Variants in TRPC7 observed in about 807,000 individuals in gnomAD.
TRPC7 encodes the protein transient receptor potential cation channel subfamily C member 7, also known as short transient receptor potential channel 7.
TRPC7 carries 42 observed loss-of-function variants against 90.1 expected under a neutral mutation model. The observed-to-expected ratio is 0.47, with a 90% confidence interval of 0.36 to 0.60. The LOEUF (loss-of-function observed/expected upper bound fraction) is 0.60, where lower values mean the gene tolerates loss of function less well. Ranked by LOEUF, TRPC7 falls within the 20% of genes least tolerant of loss-of-function variation. TRPC7 has a pLI of 0.00. For missense variants in TRPC7, 955 were observed against 1,112.3 expected, an observed-to-expected ratio of 0.86 and a Z score of 2.01; for synonymous variants, 451 against 436.3, an observed-to-expected ratio of 1.03 and a Z score of -0.42.
chr5:136,300,916 T>G (rs972148729), intron 3 of TRPC7, among the ~76,000 whole-genome samples: 9 of 152,216 alleles, frequency 5.9e-5, no homozygotes, highest in Non-Finnish European at 1.3e-4. Context: ...GAGTCCACCA[T>G]CCAAGAGCTT....
chr5:136,271,256 C>T (rs1757202955), intron 4 of TRPC7, among the ~76,000 whole-genome samples: 2 of 152,190 alleles, frequency 1.3e-5, no homozygotes, highest in South Asian at 4.1e-4. Context: ...ACAGTTCCTC[C>T]TGCCTGAGTC....
intron 3 of TRPC7, among the ~76,000 whole-genome samples, chr5:136,280,371 G>T (rs1444260095): frequency 6.6e-6 from 1 of 152,180 alleles, no homozygotes; most frequent in Non-Finnish European, 1.5e-5. Flanking sequence ...CTTCTTGAAG[G>T]AACCAACTGT....
intron 7 of TRPC7, among the ~76,000 whole-genome samples, chr5:136,233,108 G>T (rs1395875432): frequency 6.6e-6 from 1 of 152,142 alleles, no homozygotes; most frequent in Non-Finnish European, 1.5e-5. Flanking sequence ...GCATGTGTGT[G>T]TGTCTACCCA....
chr5:136,321,452 T>A (rs1478503157), intron 2 of TRPC7, among the ~76,000 whole-genome samples: 1 of 152,208 alleles, frequency 6.6e-6, no homozygotes, highest in South Asian at 2.1e-4. Context: ...GCCATTTAAC[T>A]CTTACGCATC....
intron 2 of TRPC7, among the ~76,000 whole-genome samples, chr5:136,337,012 G>T (rs1759686739): frequency 6.6e-6 from 1 of 152,154 alleles, no homozygotes; most frequent in African/African-American, 2.4e-5. Flanking sequence ...CCACCTTTCT[G>T]ATTCTGGAGG....
intron 5 of TRPC7, among the ~76,000 whole-genome samples, chr5:136,264,512 C>A (rs115348000): frequency 6.6e-6 from 1 of 151,974 alleles, no homozygotes; most frequent in Non-Finnish European, 1.5e-5. Context: ...AACTCTGTAA[C>A]AAACTTTAAT....
intron 3 of TRPC7, among the ~76,000 whole-genome samples, chr5:136,292,232 A>G (rs1757983775): frequency 6.6e-6 from 1 of 152,202 alleles, no homozygotes; most frequent in Non-Finnish European, 1.5e-5. Context: ...AATTAAAAGA[A>G]CTAGAGAAGC....
At position 136,295,987 on chromosome 5, in the gene TRPC7, T is replaced by G. The variant is rs1758156523; in HGVS notation, c.963+19610A>C. Among the ~76,000 whole-genome samples the G allele has an allele frequency of 2.0e-5, 3 of 152,196 alleles. No homozygotes were observed. The South Asian group carries it at 6.2e-4, about 31-fold the overall frequency. On this transcript the variant is annotated intron_variant, in intron 3 of 11. Coordinates refer to ENST00000513104, the MANE Select transcript of TRPC7 (RefSeq NM_020389.3). ...ACTGTATTACTGAAGTGAAGCTACTTACAGTCCTAACATATCATTAACTTG... is the reference window on the plus strand; with the variant it reads ...ACTGTATTACTGAAGTGAAGCTACTGACAGTCCTAACATATCATTAACTTG...
intron 3 of TRPC7, among the ~76,000 whole-genome samples, chr5:136,278,998 G>T (rs569414714): frequency 6.6e-6 from 1 of 152,030 alleles, no homozygotes; most frequent in African/African-American, 2.4e-5. Context: ...AAGCAGTTGC[G>T]AACTGAGCCT....
At chr5:136,355,169 GC>G (rs573098341) in intron 2 of TRPC7, among the ~76,000 whole-genome samples, 87 of 152,270 alleles carry the variant, frequency 5.7e-4, no homozygotes, top group African/African-American at 2.0e-3. Context: ...GAAATAATGA[GC>G]CCAGTTGTGG....
At chr5:136,287,203 C>T (rs929022653) in intron 3 of TRPC7, among the ~76,000 whole-genome samples, 1 of 152,100 alleles carries the variant, frequency 6.6e-6, no homozygotes. Context: ...GAATGAGTGA[C>T]GTTTTCCCTT....
chr5:136,270,456 T>A (rs1561695383), intron 4 of TRPC7, among the ~76,000 whole-genome samples: 1 of 152,126 alleles, frequency 6.6e-6, no homozygotes, highest in African/African-American at 2.4e-5. Flanking sequence ...CTCAGGGCAT[T>A]CTCCTAAGTG....
chr5:136,336,177 G>A (rs566759825), intron 2 of TRPC7, among the ~76,000 whole-genome samples: 3 of 152,054 alleles, frequency 2.0e-5, no homozygotes, highest in Non-Finnish European at 4.4e-5. Context: ...TTTCTCTCAC[G>A]TTGCAGGCAG....
At chr5:136,282,287 G>A (rs1037748509) in intron 3 of TRPC7, among the ~76,000 whole-genome samples, 4 of 152,154 alleles carry the variant, frequency 2.6e-5, no homozygotes, top group South Asian at 2.1e-4. Flanking sequence ...GGTCAGGGCA[G>A]GCTGATGAAG....
intron 2 of TRPC7, among the ~76,000 whole-genome samples, chr5:136,343,084 A>G (rs1341774689): frequency 6.6e-6 from 1 of 152,242 alleles, no homozygotes; most frequent in Non-Finnish European, 1.5e-5. Context: ...CACTCTGTAT[A>G]CAAAAGCAAA....
intron 2 of TRPC7, among the ~76,000 whole-genome samples, chr5:136,348,807 A>C (rs1282126361): frequency 1.3e-5 from 2 of 152,220 alleles, no homozygotes; most frequent in Non-Finnish European, 1.5e-5. Flanking sequence ...CTAATAAAAC[A>C]TGTGCCTCCC....
chr5:136,225,694 A>G (rs1755603981), intron 9 of TRPC7, among the ~76,000 whole-genome samples: 1 of 152,156 alleles, frequency 6.6e-6, no homozygotes, highest in South Asian at 2.1e-4. Context: ...TTTTTCTCAG[A>G]GATCATTTTC....
chr5:136,349,979 C>T (rs1760138476), intron 2 of TRPC7, among the ~76,000 whole-genome samples: 1 of 152,158 alleles, frequency 6.6e-6, no homozygotes, highest in African/African-American at 2.4e-5. Flanking sequence ...CACTATATTA[C>T]AGTTGTCTAC....
At chr5:136,290,422 T>C (rs1757898424) in intron 3 of TRPC7, among the ~76,000 whole-genome samples, 7 of 152,084 alleles carry the variant, frequency 4.6e-5, no homozygotes. Context: ...ATAACTAGAA[T>C]AACCAATGCA....
Sources: gnomAD v4.1 joint callset for allele counts (sites outside exome capture counted in the v4.1 genomes callset) on GRCh38, gnomAD v4.1.1 for gene constraint, MANE v1.5 for transcripts, NCBI Gene and HGNC (gene_info 2026-07-23, HGNC 2026-07-21) for gene names.